Variants in SCIN observed in about 807,000 individuals in gnomAD.
The protein encoded by SCIN is adseverin.
SCIN carries 91 observed loss-of-function variants against 91.8 expected under a neutral mutation model. The observed-to-expected ratio is 0.99, with a 90% CI of 0.84 to 1.18. The LOEUF is 1.18. Among genes scored for constraint, SCIN ranks in the 50% most tolerant of loss-of-function variants. SCIN has a pLI of 0.00. For missense variants in SCIN, 1,087 were observed against 863.9 expected (o/e 1.26, Z -3.24); for synonymous variants, 367 against 312.6 (o/e 1.17, Z -1.84).
chr7:12,645,857 C>T (rs1477491880), intron 13 of SCIN, among the ~76,000 whole-genome samples: 2 of 152,184 alleles, frequency 1.3e-5, no homozygotes, highest in African/African-American at 4.8e-5. Flanking sequence ...AAAGTACTAG[C>T]TACTTTACAC....
rs5882367 is a variant in SCIN, at chr7:12,596,686, C to CT, written c.517-7816dup. ...CTTTTTGTTAAAGTATGACTGTAAG[C>CT]TTTTTTTTTTTTGGTTTGGCAAACA... On this transcript the variant is annotated intron_variant, in intron 3 of 15. Transcript: ENST00000297029. 4.2e-3 allele frequency among the ~76,000 whole-genome samples: 616 copies of CT among 145,878 alleles called. 4 individuals are homozygous for CT. The highest frequency in any genetic ancestry group is 9.7e-3 in the South Asian group (44 of 4,550).
intron 3 of SCIN, among the ~76,000 whole-genome samples, chr7:12,602,891 C>T (rs1257428599): frequency 6.6e-6 from 1 of 152,128 alleles, no homozygotes; most frequent in Admixed American, 6.5e-5. Flanking sequence ...AGGTGACGTA[C>T]ATCTTCAGCT....
At chr7:12,592,538 G>A (rs939579138) in intron 3 of SCIN, among the ~76,000 whole-genome samples, 1 of 151,984 alleles carries the variant, frequency 6.6e-6, no homozygotes, top group Non-Finnish European at 1.5e-5. Flanking sequence ...AATGAGAGAG[G>A]CAGGAAGTGG....
intron 7 of SCIN, 58 bp downstream of exon 7, chr7:12,625,908 C>A: frequency 8.2e-7 from 1 of 1,224,522 alleles, no homozygotes; most frequent in Non-Finnish European, 1.2e-6. Flanking sequence ...CTCATGACAT[C>A]TCCACGAAAC....
chr7:12,620,735 A>G (rs1049641302), intron 4 of SCIN, among the ~76,000 whole-genome samples: 2 of 152,188 alleles, frequency 1.3e-5, no homozygotes, highest in Non-Finnish European at 2.9e-5. Flanking sequence ...AGGAGAGAAT[A>G]GAGATACATT....
chr7:12,648,649 T>C (rs1032162639), intron 13 of SCIN, among the ~76,000 whole-genome samples: 2 of 152,076 alleles, frequency 1.3e-5, no homozygotes, highest in African/African-American at 4.8e-5. Context: ...AATTTAATAC[T>C]CAGACCATAA....
At chr7:12,594,911 C>T (rs534622579) in intron 3 of SCIN, among the ~76,000 whole-genome samples, 1 of 152,254 alleles carries the variant, frequency 6.6e-6, no homozygotes, top group South Asian at 2.1e-4. Flanking sequence ...GCAAAAGTCT[C>T]TCTTACTCAC....
intron 2 of SCIN, among the ~76,000 whole-genome samples, chr7:12,580,220 C>T (rs1247865884): frequency 2.0e-5 from 3 of 151,432 alleles, no homozygotes; most frequent in East Asian, 3.9e-4. Flanking sequence ...TATACTGTAG[C>T]TCAGTTATTC....
chr7:12,612,869 A>G (rs1783224919), intron 4 of SCIN, among the ~76,000 whole-genome samples: 1 of 152,176 alleles, frequency 6.6e-6, no homozygotes, highest in African/African-American at 2.4e-5. Context: ...CCCCTTTGTC[A>G]CACCAAATTT....
chr7:12,573,152 A>G (rs1782302608), intron 1 of SCIN, among the ~76,000 whole-genome samples: 1 of 152,220 alleles, frequency 6.6e-6, no homozygotes, highest in East Asian at 1.9e-4. Flanking sequence ...AAGAAAACAG[A>G]ATTTCATCCA....
In SCIN at chr7:12,625,110, A is replaced by G. The variant is rs1472109939; in HGVS notation, c.860A>G (p.His287Arg). Residue 287 changes from histidine to arginine, a missense_variant, in exon 6 of 16, where the codon CAC (histidine) becomes CGC (arginine). His to Arg is a conservative substitution (Grantham distance 29). Transcript: ENST00000297029. ...LLSEECFILD[H>R]GAAKQIFVWK... ...TCTGAAGAATGCTTTATTTTGGACC[A>G]CGGGGCTGCCAAACAAATTTTCGTA... 6.2e-7 allele frequency: 1 copy of G among 1,608,728 alleles called. No homozygotes were observed. The highest frequency in any genetic ancestry group is 8.5e-7 in the Non-Finnish European group (1 of 1,177,776).
rs928092520 is a variant in SCIN, at chr7:12,640,209, A to G, written c.1411-138A>G. The G allele has an allele frequency of 1.8e-5, 12 of 672,762 alleles. No individual in the cohort carries two copies. The African/African-American group carries it at 2.1e-4, about 12-fold the overall frequency. 41.7% of individuals were successfully genotyped at this position (672,762 alleles called of 1,614,324 possible). ...TATCATTAACCTATATGTTCTGTTAATCATCATTCCTCCTGCTCTTGACTT... is the reference window on the plus strand; with the variant it reads ...TATCATTAACCTATATGTTCTGTTAGTCATCATTCCTCCTGCTCTTGACTT... On this transcript the variant is annotated intron_variant, in intron 10 of 15. Coordinates refer to ENST00000297029, the MANE Select transcript of SCIN (RefSeq NM_001112706.3).
rs1434868234 is a variant in SCIN at position 12,604,676 on chromosome 7, C to T, written c.666+13C>T. The T allele has an allele frequency of 1.3e-6, 2 of 1,550,122 alleles. No homozygotes were observed. Among genetic ancestry groups the T allele is most frequent in the Non-Finnish European group, 1.7e-6 (2 of 1,146,148 alleles). On this transcript the variant is annotated intron_variant, in intron 4 of 15. Coordinates refer to ENST00000297029, the MANE Select transcript of SCIN (RefSeq NM_001112706.3). ...AGAACTTATAAAGGTATTGTGACTCCTGTTGTTTGTTAAAGGGTTACCACT... is the reference window on the plus strand; with the variant it reads ...AGAACTTATAAAGGTATTGTGACTCTTGTTGTTTGTTAAAGGGTTACCACT...
chr7:12,610,220 T>C (rs1161199460), intron 4 of SCIN, among the ~76,000 whole-genome samples: 5 of 152,196 alleles, frequency 3.3e-5, no homozygotes. Flanking sequence ...TAATTCACAG[T>C]ATGAAAACAA....
At chr7:12,635,470 G>A (rs558918605) in intron 9 of SCIN, among the ~76,000 whole-genome samples, 101 of 150,688 alleles carry the variant, frequency 6.7e-4, no homozygotes, top group Middle Eastern at 3.6e-3. Flanking sequence ...AAATTAGCCC[G>A]GTGTGGTGGC....
rs1273190762 is a variant in SCIN, at chr7:12,570,950, G to A, written c.164G>A (p.Ser55Asn). 9.7e-6 allele frequency: 15 copies of A among 1,551,308 alleles called. No homozygotes were observed. Among genetic ancestry groups the A allele is most frequent in the African/African-American group, 1.4e-5 (1 of 73,046 alleles). ...CTGGTGCTGCACACGGCCAAGACGA[G>A]CCGAGGCTTCACCTACCACCTGCAC... is the stretch of plus-strand genomic sequence containing the variant. ...AYLVLHTAKT[S>N]RGFTYHLHFW... The change falls in exon 1 of 16, where the codon AGC becomes AAC. Residue 55 changes from serine (S) to asparagine (N), a missense_variant. Transcript: ENST00000297029.
chr7:12,571,461 C>T (rs188925007), intron 1 of SCIN: 1 of 370,574 alleles, frequency 2.7e-6, no homozygotes, highest in Non-Finnish European at 5.5e-6. Flanking sequence ...TTTCTTCACA[C>T]ATTATTTTTA....
At chr7:12,593,055 G>A (rs1052909968) in intron 3 of SCIN, among the ~76,000 whole-genome samples, 1 of 152,196 alleles carries the variant, frequency 6.6e-6, no homozygotes, top group African/African-American at 2.4e-5. Context: ...GAGCATGCTT[G>A]TCTGCCCATC....
At chr7:12,603,878 T>C (rs775633431) in intron 3 of SCIN, among the ~76,000 whole-genome samples, 19 of 149,006 alleles carry the variant, frequency 1.3e-4, no homozygotes, top group Non-Finnish European at 1.9e-4. Flanking sequence ...ACCAATATAA[T>C]TACATAGCAA....
Sources: allele counts gnomAD v4.1 joint callset (sites outside exome capture counted in the v4.1 genomes callset), GRCh38; gene constraint gnomAD v4.1.1; transcripts MANE v1.5; gene names NCBI Gene and HGNC (gene_info 2026-07-23, HGNC 2026-07-21).